Variants in SEMA3E observed in about 807,000 individuals in gnomAD.
SEMA3E encodes the protein semaphorin 3E.
In SEMA3E, 49 loss-of-function variants were observed where a neutral mutation model predicts 93.6. That is an observed-to-expected ratio of 0.52 (90% CI 0.42 to 0.66). The LOEUF (loss-of-function observed/expected upper bound fraction) is 0.66. Among genes scored for constraint, SEMA3E ranks in the 30% least tolerant of loss-of-function variants. SEMA3E has a pLI of 0.00. For missense variants in SEMA3E, 906 were observed against 964.8 expected, an observed-to-expected ratio of 0.94 and a Z score of 0.81; for synonymous variants, 363 against 330.7, an observed-to-expected ratio of 1.10 and a Z score of -1.06.
intron 16 of SEMA3E, among the ~76,000 whole-genome samples, chr7:83,379,252 G>T (rs1787727159): frequency 6.6e-6 from 1 of 151,210 alleles, no homozygotes; most frequent in African/African-American, 2.4e-5. Flanking sequence ...AAGGTGGGAG[G>T]GTGAGAGGTA....
At chr7:83,563,206 C>G (rs61654457) in intron 1 of SEMA3E, among the ~76,000 whole-genome samples, 16,589 of 152,138 alleles carry the variant, frequency 0.11, 972 homozygotes, top group East Asian at 0.19. Flanking sequence ...CACAGACAAA[C>G]TCTCTGGCCT....
chr7:83,555,111 A>C lies in SEMA3E; in HGVS notation c.116-64837T>G, dbSNP rs181285454. On this transcript the variant is annotated intron_variant, in intron 1 of 16. Coordinates refer to ENST00000643230, the MANE Select transcript of SEMA3E (RefSeq NM_012431.3). ...TTATAGAGAATAGGTGCAGTCTTGAATTTCATTAAGTACTGCTTTTCTTAC... is the reference window on the plus strand; with the variant it reads ...TTATAGAGAATAGGTGCAGTCTTGACTTTCATTAAGTACTGCTTTTCTTAC... 6.8e-3 allele frequency among the ~76,000 whole-genome samples: 1,041 copies of C among 152,260 alleles called. 4 individuals are homozygous for C. Among genetic ancestry groups the C allele is most frequent in the Non-Finnish European group, 0.012 (799 of 68,010 alleles).
intron 4 of SEMA3E, among the ~76,000 whole-genome samples, chr7:83,435,876 A>G (rs1788994293): frequency 1.3e-5 from 2 of 152,068 alleles, no homozygotes; most frequent in South Asian, 4.1e-4. Flanking sequence ...AAAATTATTA[A>G]ATGTTTTTCT....
chr7:83,403,059 AT>A (rs923182284), intron 9 of SEMA3E, among the ~76,000 whole-genome samples: 1 of 151,908 alleles, frequency 6.6e-6, no homozygotes, highest in Admixed American at 6.6e-5. Context: ...GTGTTTTTAT[AT>A]TTTTTTATTA....
chr7:83,627,197 G>A (rs1241864747), intron 1 of SEMA3E, among the ~76,000 whole-genome samples: 1 of 152,164 alleles, frequency 6.6e-6, no homozygotes, highest in African/African-American at 2.4e-5. Context: ...GGAGTGGAGT[G>A]TTCTGTAGAT....
At chr7:83,517,909 G>A (rs1434543523) in intron 1 of SEMA3E, among the ~76,000 whole-genome samples, 1 of 152,154 alleles carries the variant, frequency 6.6e-6, no homozygotes, top group African/African-American at 2.4e-5. Context: ...CACAGTGGTA[G>A]CAAATGAGGA....
At chr7:83,405,323 A>G (rs1788305661) in intron 9 of SEMA3E, 127 bp downstream of exon 9, 6 of 701,202 alleles carry the variant, frequency 8.6e-6, no homozygotes, top group Non-Finnish European at 1.5e-5. Flanking sequence ...ATTGGTGATT[A>G]TAAAGTGTAG....
chr7:83,606,618 CGGGGGAG>C (rs1793124998), intron 1 of SEMA3E, among the ~76,000 whole-genome samples: 1 of 109,942 alleles, frequency 9.1e-6, no homozygotes, highest in African/African-American at 3.7e-5. Flanking sequence ...GTGGTGGGGT[CGGGGGAG>C]GGGGGAGGGA....
chr7:83,553,814 C>T (rs569272863), intron 1 of SEMA3E, among the ~76,000 whole-genome samples: 1 of 152,230 alleles, frequency 6.6e-6, no homozygotes, highest in Non-Finnish European at 1.5e-5. Flanking sequence ...TTCAGTGACT[C>T]ATTGAAGAGC....
intron 1 of SEMA3E, among the ~76,000 whole-genome samples, chr7:83,603,992 A>G (rs1012890443): frequency 6.6e-6 from 1 of 152,200 alleles, no homozygotes; most frequent in African/African-American, 2.4e-5. Flanking sequence ...CTGCCAAGTT[A>G]TCTTCTATCA....
chr7:83,531,149 C>T (rs1387111253), intron 1 of SEMA3E, among the ~76,000 whole-genome samples: 2 of 151,724 alleles, frequency 1.3e-5, no homozygotes, highest in African/African-American at 4.8e-5. Context: ...TCATCTTGCC[C>T]TAATATGTGC....
chr7:83,432,618 T>A (rs981604168), intron 4 of SEMA3E, among the ~76,000 whole-genome samples: 8 of 152,198 alleles, frequency 5.3e-5, no homozygotes, highest in Non-Finnish European at 8.8e-5. Flanking sequence ...TATAGGTAGA[T>A]ACACAAAATT....
intron 1 of SEMA3E, among the ~76,000 whole-genome samples, chr7:83,599,128 G>A (rs1035799003): frequency 6.6e-6 from 1 of 152,140 alleles, no homozygotes; most frequent in African/African-American, 2.4e-5. Context: ...AAAGCTCTAT[G>A]ATTTTGAAAG....
intron 1 of SEMA3E, among the ~76,000 whole-genome samples, chr7:83,637,789 CTTTTTT>C (rs202153375): frequency 7.8e-6 from 1 of 128,984 alleles, no homozygotes; most frequent in African/African-American, 2.9e-5. Flanking sequence ...TCTGGCAGTT[CTTTTTT>C]TTTTTTTTTT....
At chr7:83,371,250 T>G (rs1179230430) in intron 16 of SEMA3E, among the ~76,000 whole-genome samples, 1 of 152,214 alleles carries the variant, frequency 6.6e-6, no homozygotes, top group African/African-American at 2.4e-5. Context: ...TGGTATAATA[T>G]GTTAATGATA....
At chr7:83,380,009 T>C (rs141977636) in intron 16 of SEMA3E, among the ~76,000 whole-genome samples, 211 of 151,950 alleles carry the variant, frequency 1.4e-3, no homozygotes, top group Non-Finnish European at 2.6e-3. Flanking sequence ...TGAACACTGA[T>C]ACACAGCAGG....
At position 83,518,509 on chromosome 7, in the gene SEMA3E, C is replaced by A. The variant is rs368735592; in HGVS notation, c.116-28235G>T. On this transcript the variant is annotated intron_variant, in intron 1 of 16. Transcript: ENST00000643230. ...AATGTGGGTTCATATCTAATCTCAT[C>A]TTCTTACTAATTATTTGATCCTAGG... Among the ~76,000 whole-genome samples the A allele has an allele frequency of 8.5e-5, 13 of 152,236 alleles. 1 individual carries two copies. In the East Asian group the frequency reaches 9.7e-4, roughly 11 times the overall value.
chr7:83,419,057 C>T (rs561360475), intron 4 of SEMA3E, among the ~76,000 whole-genome samples: 1 of 151,876 alleles, frequency 6.6e-6, no homozygotes, highest in African/African-American at 2.4e-5. Flanking sequence ...CGTCTCATCC[C>T]CCTCCAGTGG....
In SEMA3E at chr7:83,418,488, A is replaced by G; in HGVS notation, c.457-5T>C. The G allele has an allele frequency of 6.3e-7, 1 of 1,598,482 alleles. No individual in the cohort carries two copies. Among genetic ancestry groups the G allele is most frequent in the Non-Finnish European group, 8.6e-7 (1 of 1,168,056 alleles). On this transcript the variant is annotated splice_polypyrimidine_tract_variant and splice_region_variant and intron_variant, in intron 4 of 16. Transcript: ENST00000643230. ...TTCCAGGTGAAACAGAGGATCCTTG[A>G]AAGAAAACCAGAAAAATCATTATGA...
Sources: allele counts gnomAD v4.1 joint callset (sites outside exome capture counted in the v4.1 genomes callset), GRCh38; gene constraint gnomAD v4.1.1; transcripts MANE v1.5; gene names NCBI Gene and HGNC (gene_info 2026-07-23, HGNC 2026-07-21).